CSMD3: variants seen among roughly 807,000 people sequenced by gnomAD.
CSMD3 encodes CUB and Sushi multiple domains 3.
In CSMD3, 177 loss-of-function variants were observed where a neutral mutation model predicts 435.2. The observed-to-expected ratio is 0.41, with a 90% confidence interval of 0.36 to 0.46. The LOEUF is 0.46. Ranked by LOEUF, CSMD3 falls within the 20% of genes least tolerant of loss-of-function variation. The probability of loss-of-function intolerance (pLI) is 0.34; values close to 1 mark genes in which losing one functional copy is unlikely to be tolerated. For synonymous variants in CSMD3, 1,656 were observed against 1,520.5 expected (o/e 1.09, Z -2.07); for missense variants, 4,265 against 4,504.6 (o/e 0.95, Z 1.52).
At chr8:112,711,803 G>A (rs2076615419) in intron 13 of CSMD3, among the ~76,000 whole-genome samples, 1 of 151,968 alleles carries the variant, frequency 6.6e-6, no homozygotes, top group Non-Finnish European at 1.5e-5. Context: ...ACTCAGGCTG[G>A]AGTGCAGTGG....
intron 1 of CSMD3, among the ~76,000 whole-genome samples, chr8:113,345,635 CTTAT>C (rs2094146504): frequency 6.6e-6 from 1 of 151,854 alleles, no homozygotes; most frequent in South Asian, 2.1e-4. Flanking sequence ...TACCATTTAC[CTTAT>C]TTGTCATTTT....
intron 28 of CSMD3, among the ~76,000 whole-genome samples, chr8:112,515,301 T>C (rs1200404838): frequency 6.6e-6 from 1 of 152,152 alleles, no homozygotes; most frequent in East Asian, 1.9e-4. Context: ...CAAGAAGTTC[T>C]ACAGTAAGAT....
chr8:113,108,626 T>G (rs1020284799), intron 4 of CSMD3, among the ~76,000 whole-genome samples: 2 of 152,016 alleles, frequency 1.3e-5, no homozygotes, highest in Admixed American at 1.3e-4. Context: ...AATACCAAAC[T>G]TAATGAGTGA....
intron 10 of CSMD3, among the ~76,000 whole-genome samples, chr8:112,866,084 G>T (rs1407121103): frequency 6.6e-6 from 1 of 152,150 alleles, no homozygotes; most frequent in East Asian, 1.9e-4. Flanking sequence ...TAGGGTTGTT[G>T]AAAGATTTCT....
chr8:112,256,312 ATCAT>A (rs915999580), intron 61 of CSMD3, among the ~76,000 whole-genome samples: 4 of 151,544 alleles, frequency 2.6e-5, no homozygotes, highest in Non-Finnish European at 5.9e-5. Context: ...GAAAAAAAAA[ATCAT>A]TCAGACAAAA....
chr8:113,165,190 G>A (rs915617984), intron 4 of CSMD3, among the ~76,000 whole-genome samples: 1 of 152,048 alleles, frequency 6.6e-6, no homozygotes, highest in East Asian at 1.9e-4. Flanking sequence ...TAAGACATGG[G>A]CCTATATAAT....
At chr8:112,783,531 G>A (rs893092777) in intron 13 of CSMD3, among the ~76,000 whole-genome samples, 3 of 150,734 alleles carry the variant, frequency 2.0e-5, no homozygotes, top group African/African-American at 4.9e-5. Flanking sequence ...AGGGAAGGAC[G>A]GAGGGAAGAT....
chr8:112,947,645 T>A, intron 9 of CSMD3, 145 bp downstream of exon 9: 1 of 494,428 alleles, frequency 2.0e-6, no homozygotes, highest in East Asian at 3.1e-5. Flanking sequence ...TTTAAAATAA[T>A]TAGATATTAT....
chr8:112,633,358 A>G (rs1195818157), intron 22 of CSMD3, among the ~76,000 whole-genome samples: 1 of 152,050 alleles, frequency 6.6e-6, no homozygotes, highest in Non-Finnish European at 1.5e-5. Flanking sequence ...GACCATACAC[A>G]GGACTTAGAC....
intron 10 of CSMD3, among the ~76,000 whole-genome samples, chr8:112,887,322 C>T (rs1165435113): frequency 2.7e-5 from 4 of 148,946 alleles, no homozygotes; most frequent in Non-Finnish European, 6.0e-5. Context: ...ATCTTGTATG[C>T]TATAAATATT....
At chr8:112,902,973 C>G (rs977126787) in intron 10 of CSMD3, among the ~76,000 whole-genome samples, 3 of 150,980 alleles carry the variant, frequency 2.0e-5, no homozygotes, top group African/African-American at 7.3e-5. Flanking sequence ...GAGACTATCT[C>G]CAGAAGGGAA....
At chr8:113,298,955 C>T (rs1248600073) in intron 2 of CSMD3, among the ~76,000 whole-genome samples, 1 of 152,110 alleles carries the variant, frequency 6.6e-6, no homozygotes, top group Non-Finnish European at 1.5e-5. Context: ...AAATATTTCA[C>T]TGAATATTTT....
intron 22 of CSMD3, among the ~76,000 whole-genome samples, chr8:112,632,118 C>A (rs1212155516): frequency 6.6e-6 from 1 of 151,874 alleles, no homozygotes; most frequent in Non-Finnish European, 1.5e-5. Context: ...GCACTTTATT[C>A]TTTCATATTT....
chr8:112,543,143 C>G (rs1452548221), intron 27 of CSMD3, among the ~76,000 whole-genome samples: 1 of 152,072 alleles, frequency 6.6e-6, no homozygotes, highest in African/African-American at 2.4e-5. Flanking sequence ...AACTGTAAAA[C>G]TTCCAGAAGG....
intron 5 of CSMD3, among the ~76,000 whole-genome samples, chr8:113,037,457 T>C (rs2087403084): frequency 6.6e-6 from 1 of 152,164 alleles, no homozygotes; most frequent in Admixed American, 6.5e-5. Context: ...TGTTATTTTC[T>C]ACATTATTTA....
chr8:112,664,413 A>G (rs575505201), intron 17 of CSMD3, among the ~76,000 whole-genome samples: 2 of 152,296 alleles, frequency 1.3e-5, no homozygotes, highest in Admixed American at 1.3e-4. Flanking sequence ...AAAAGATTTA[A>G]TGATGAATAA....
intron 59 of CSMD3, among the ~76,000 whole-genome samples, 163 bp from the exon 60 acceptor site, chr8:112,265,753 C>T (rs1816885759): frequency 6.6e-6 from 1 of 151,968 alleles, no homozygotes; most frequent in Admixed American, 6.6e-5. Context: ...ACTGGCAATT[C>T]CTGATTATGA....
chr8:112,587,346 A>G, intron 22 of CSMD3, 111 bp from the exon 23 acceptor site: 1 of 777,422 alleles, frequency 1.3e-6, no homozygotes, highest in Non-Finnish European at 2.2e-6. Context: ...AGCCTAGTAG[A>G]AAAATAATAT....
chr8:112,819,259 G>A (rs1248086216), intron 12 of CSMD3, among the ~76,000 whole-genome samples: 3 of 152,110 alleles, frequency 2.0e-5, no homozygotes, highest in African/African-American at 4.8e-5. Flanking sequence ...TGCAGGGTGA[G>A]TGGACACTTT....
Sources: allele counts gnomAD v4.1 joint callset (sites outside exome capture counted in the v4.1 genomes callset), GRCh38; gene constraint gnomAD v4.1.1; transcripts MANE v1.5; gene names NCBI Gene and HGNC (gene_info 2026-07-23, HGNC 2026-07-21).